IPO11: variants seen among roughly 807,000 people sequenced by gnomAD.
IPO11 encodes importin 11, also known as importin-11.
IPO11 carries 66 observed loss-of-function variants against 143.2 expected under a neutral mutation model. The observed-to-expected ratio is 0.46, with a 90% CI of 0.38 to 0.57. IPO11 has a LOEUF of 0.57. Among genes scored for constraint, IPO11 ranks in the 20% least tolerant of loss-of-function variants. IPO11 has a pLI of 0.00. For missense variants in IPO11, 1,026 were observed against 1,141.0 expected (o/e 0.90, Z 1.45); for synonymous variants, 385 against 377.8 (o/e 1.02, Z -0.22).
At chr5:62,571,936 T>C (rs1158561593) in intron 27 of IPO11, among the ~76,000 whole-genome samples, 2 of 152,192 alleles carry the variant, frequency 1.3e-5, no homozygotes, top group Non-Finnish European at 2.9e-5. Context: ...TCCACCCACC[T>C]CGGCCTCCCA....
chr5:62,425,737 T>G (rs947014427), intron 1 of IPO11, among the ~76,000 whole-genome samples: 5 of 152,216 alleles, frequency 3.3e-5, no homozygotes, highest in African/African-American at 1.2e-4. Flanking sequence ...AAAGTAAAGA[T>G]ACGATTGCTA....
intron 27 of IPO11, among the ~76,000 whole-genome samples, chr5:62,570,933 T>C (rs138550983): frequency 1.1e-3 from 175 of 152,320 alleles, no homozygotes; most frequent in African/African-American, 4.0e-3. Flanking sequence ...ATAAGAGATG[T>C]TTCTCAGTGA....
chr5:62,496,602 G>T (rs1741167562), intron 16 of IPO11, among the ~76,000 whole-genome samples: 1 of 152,072 alleles, frequency 6.6e-6, no homozygotes, highest in African/African-American at 2.4e-5. Context: ...TTAATTTTCA[G>T]CCTTTGAGAA....
intron 26 of IPO11, among the ~76,000 whole-genome samples, chr5:62,557,800 G>A (rs1488576713): frequency 1.3e-5 from 2 of 152,050 alleles, no homozygotes; most frequent in African/African-American, 4.8e-5. Flanking sequence ...TATTTTTCAC[G>A]TTACACTGAT....
chr5:62,437,290 A>G lies in IPO11; in HGVS notation c.11A>G (p.Asn4Ser), dbSNP rs368708426. 26 of 1,604,060 alleles carry G rather than the reference A, an allele frequency of 1.6e-5. No homozygotes were observed. Among genetic ancestry groups the G allele is most frequent in the Non-Finnish European group, 2.0e-5 (24 of 1,175,618 alleles). The change falls in exon 2 of 30, where the codon AAT becomes AGT. Residue 4 changes from asparagine (N) to serine (S), a missense_variant. Coordinates refer to ENST00000325324, the MANE Select transcript of IPO11 (RefSeq NM_016338.5). Reference protein sequence around the residue: MDLNSASTVVLQVL... With the variant: MDLSSASTVVLQVL... Reference sequence around the variant, plus strand: ...CATTGCCAGGTTTCCATGGATCTCAATAGTGCCAGCACTGTTGTTCTTCAG... The same window carrying G: ...CATTGCCAGGTTTCCATGGATCTCAGTAGTGCCAGCACTGTTGTTCTTCAG...
chr5:62,435,102 ATATATATG>A lies in IPO11; in HGVS notation c.-6-2148_-6-2141del, dbSNP rs1188887651. ...TATATGTGTATATATGTATATATGT[ATATATATG>A]TATATATGTATATATGTATATATAT... On this transcript the variant is annotated intron_variant, in intron 1 of 29. Coordinates refer to ENST00000325324, the MANE Select transcript of IPO11 (RefSeq NM_016338.5). 6.5e-3 allele frequency among the ~76,000 whole-genome samples: 435 copies of A among 67,168 alleles called. 18 individuals carry two copies. Among genetic ancestry groups the A allele is most frequent in the South Asian group, 0.028 (71 of 2,576 alleles). 44.1% of individuals were successfully genotyped at this position (67,168 alleles called of 152,430 possible).
At chr5:62,563,653 A>G (rs1743844317) in intron 27 of IPO11, among the ~76,000 whole-genome samples, 2 of 152,156 alleles carry the variant, frequency 1.3e-5, no homozygotes, top group African/African-American at 4.8e-5. Context: ...TAAATGTGAA[A>G]TTTATTTATA....
At chr5:62,609,855 A>C (rs1745866490) in intron 29 of IPO11, among the ~76,000 whole-genome samples, 2 of 152,210 alleles carry the variant, frequency 1.3e-5, no homozygotes, top group Non-Finnish European at 1.5e-5. Flanking sequence ...TCTGAAAATG[A>C]GGTTCTAACT....
chr5:62,425,762 A>G (rs1051305533), intron 1 of IPO11, among the ~76,000 whole-genome samples: 4 of 152,216 alleles, frequency 2.6e-5, no homozygotes, highest in African/African-American at 9.7e-5. Context: ...ATACAAATGT[A>G]TTTTCCTTTT....
At chr5:62,598,429 T>C in intron 28 of IPO11, among the ~76,000 whole-genome samples, 3 of 4,380 alleles carry the variant, frequency 6.8e-4, no homozygotes, top group African/African-American at 4.4e-3. Context: ...TCTTTCTTTC[T>C]TTCTCTCTCT....
intron 16 of IPO11, 49 bp from the exon 17 acceptor site, chr5:62,504,618 G>A: frequency 8.9e-7 from 1 of 1,121,726 alleles, no homozygotes; most frequent in Non-Finnish European, 1.3e-6. Flanking sequence ...TATTAATGAT[G>A]TTTAGTCATT....
rs747942936 is a variant in IPO11, at chr5:62,530,789, T to C, written c.2089+4T>C. On this transcript the variant is annotated splice_donor_region_variant and intron_variant, in intron 22 of 29. Transcript: ENST00000325324. The stretch of plus-strand genomic sequence containing the variant: ...CAGAATATGTCACCACTTCTTGGTA[T>C]GTGTTAAAGCATAAACTTACTAATG... 1 of 1,600,808 alleles carries C rather than the reference T, an allele frequency of 6.2e-7. No homozygotes were observed. The highest frequency in any genetic ancestry group is 8.6e-7 in the Non-Finnish European group (1 of 1,168,382).
chr5:62,590,721 G>GTC (rs751960065), intron 27 of IPO11, among the ~76,000 whole-genome samples: 2 of 152,032 alleles, frequency 1.3e-5, no homozygotes, highest in African/African-American at 2.4e-5. Context: ...AGTCTGTAAA[G>GTC]TCTGCACTTT....
chr5:62,544,856 AAG>A (rs1255767913), intron 24 of IPO11, among the ~76,000 whole-genome samples: 1 of 152,182 alleles, frequency 6.6e-6, no homozygotes, highest in Non-Finnish European at 1.5e-5. Context: ...AGTTGCTTCA[AAG>A]AGAATAAAAT....
intron 2 of IPO11, among the ~76,000 whole-genome samples, chr5:62,439,154 C>T (rs1009129305): frequency 5.7e-4 from 86 of 151,756 alleles, no homozygotes; most frequent in Admixed American, 3.3e-4. Flanking sequence ...TTTTTCTGGC[C>T]AAAATATAAA....
At chr5:62,565,843 T>C (rs1743919930) in intron 27 of IPO11, among the ~76,000 whole-genome samples, 1 of 148,738 alleles carries the variant, frequency 6.7e-6, no homozygotes, top group South Asian at 2.3e-4. Context: ...TGTGTTCTCA[T>C]TGTTCAACTC....
At chr5:62,524,639 A>G (rs1403587485) in intron 20 of IPO11, among the ~76,000 whole-genome samples, 1 of 152,140 alleles carries the variant, frequency 6.6e-6, no homozygotes, top group Non-Finnish European at 1.5e-5. Context: ...AAGCCTTCCA[A>G]GTGGTTTTTC....
intron 2 of IPO11, among the ~76,000 whole-genome samples, chr5:62,442,499 A>T (rs928943304): frequency 6.6e-6 from 1 of 152,210 alleles, no homozygotes; most frequent in Non-Finnish European, 1.5e-5. Flanking sequence ...GAATTGTAGA[A>T]CTATATATAC....
At chr5:62,522,524 A>C (rs146250048) in intron 20 of IPO11, among the ~76,000 whole-genome samples, 1 of 152,100 alleles carries the variant, frequency 6.6e-6, no homozygotes, top group Non-Finnish European at 1.5e-5. Flanking sequence ...ACCTCAGCTG[A>C]TCTGCCCGCC....
Sources: gnomAD v4.1 joint callset for allele counts (sites outside exome capture counted in the v4.1 genomes callset) on GRCh38, gnomAD v4.1.1 for gene constraint, MANE v1.5 for transcripts, NCBI Gene and HGNC (gene_info 2026-07-23, HGNC 2026-07-21) for gene names.